The following ZNF705G variants were observed in gnomAD, a reference collection of about 807,000 sequenced individuals.
ZNF705G encodes the protein zinc finger protein 705G.
In ZNF705G, 23 loss-of-function variants were observed where a neutral mutation model predicts 19.6. The observed-to-expected ratio is 1.17, with a 90% confidence interval of 0.84 to 1.66. The LOEUF (loss-of-function observed/expected upper bound fraction) is 1.66. Among genes scored for constraint, ZNF705G ranks in the 40% most tolerant of loss-of-function variants. The pLI is 0.00. For missense variants in ZNF705G, 457 were observed against 354.4 expected, an observed-to-expected ratio of 1.29 and a Z score of -2.32; for synonymous variants, 146 against 117.7, an observed-to-expected ratio of 1.24 and a Z score of -1.56.
intron 2 of ZNF705G, among the ~76,000 whole-genome samples, chr8:7,376,591 G>C (rs1199964486): frequency 4.5e-4 from 62 of 138,856 alleles, no homozygotes; most frequent in African/African-American, 1.7e-3. Flanking sequence ...AACAAGTATA[G>C]TTTTTGAGCC....
At position 7,357,985 on chromosome 8, in the gene ZNF705G, G is replaced by A. The variant is rs868053666; in HGVS notation, c.894C>T (p.Asn298=). ...TGCGTGTTCTCTCATGTCATCTAAG[G>A]TTGGAAGACAGACTGAAGGCCTTCC... ...LCGKAFSLSS[N]LR is the part of the protein sequence containing the mutation. The change falls in exon 7 of 7, where the codon AAC becomes AAT. Residue 298 remains asparagine (N), a synonymous_variant. Coordinates refer to ENST00000400156, the MANE Select transcript of ZNF705G (RefSeq NM_001164457.3). The A allele has an allele frequency of 2.5e-6, 4 of 1,609,252 alleles. No individual in the cohort carries two copies. The highest frequency in any genetic ancestry group is 2.2e-5 in the East Asian group (1 of 44,858).
chr8:7,384,310 TAGG>T (rs1396979158), intron 1 of ZNF705G, among the ~76,000 whole-genome samples: 3 of 145,608 alleles, frequency 2.1e-5, no homozygotes, highest in South Asian at 4.2e-4. Flanking sequence ...AAAAAAATCT[TAGG>T]AGGAGTCAAT....
chr8:7,366,705 T>A (rs987243738), intron 2 of ZNF705G, among the ~76,000 whole-genome samples: 2 of 149,708 alleles, frequency 1.3e-5, no homozygotes, highest in African/African-American at 5.1e-5. Flanking sequence ...ATAAGGTAAA[T>A]GAATGAAATT....
intron 2 of ZNF705G, among the ~76,000 whole-genome samples, chr8:7,367,520 C>T (rs1806912016): frequency 6.7e-6 from 1 of 149,598 alleles, no homozygotes; most frequent in Admixed American, 6.6e-5. Context: ...ATATAACTCC[C>T]TAAACACAAC....
At chr8:7,364,695 C>T (rs1335376995) in intron 2 of ZNF705G, among the ~76,000 whole-genome samples, 3 of 149,622 alleles carry the variant, frequency 2.0e-5, no homozygotes, top group Non-Finnish European at 4.4e-5. Context: ...ACATTTAATG[C>T]ACATTTACAG....
At chr8:7,367,533 G>A (rs1806912803) in intron 2 of ZNF705G, among the ~76,000 whole-genome samples, 1 of 149,532 alleles carries the variant, frequency 6.7e-6, no homozygotes, top group African/African-American at 2.6e-5. Context: ...AACACAACGT[G>A]CATGCTCAAT....
intron 2 of ZNF705G, among the ~76,000 whole-genome samples, chr8:7,370,480 T>A (rs1317035668): frequency 5.4e-5 from 8 of 149,368 alleles, no homozygotes; most frequent in Non-Finnish European, 1.0e-4. Flanking sequence ...AGATAACCCT[T>A]GTATACTTGT....
At chr8:7,362,201 T>C (rs1806633772) in intron 3 of ZNF705G, among the ~76,000 whole-genome samples, 2 of 149,698 alleles carry the variant, frequency 1.3e-5, no homozygotes, top group South Asian at 2.1e-4. Context: ...ACTATATTCC[T>C]TCTTCTGAGT....
intron 2 of ZNF705G, among the ~76,000 whole-genome samples, chr8:7,369,037 C>T (rs1451397498): frequency 6.7e-6 from 1 of 149,616 alleles, no homozygotes; most frequent in Non-Finnish European, 1.5e-5. Flanking sequence ...GCATGTCTTA[C>T]ATCACAGCAG....
Position 7,357,999 on chromosome 8 carries a change from T to G in ZNF705G, c.880A>C (p.Ser294Arg). 2 of 1,609,242 alleles carry G rather than the reference T, an allele frequency of 1.2e-6. No individual in the cohort carries two copies. Among genetic ancestry groups the G allele is most frequent in the East Asian group, 4.5e-5 (2 of 44,856 alleles). ...TGTCATCTAAGGTTGGAAGACAGACTGAAGGCCTTCCCACATAGAAGACAA... is the reference window on the plus strand; with the variant it reads ...TGTCATCTAAGGTTGGAAGACAGACGGAAGGCCTTCCCACATAGAAGACAA... Reference protein sequence around the residue: ...HACLLCGKAFSLSSNLR With the variant: ...HACLLCGKAFRLSSNLR The change falls in exon 7 of 7, where the codon AGT (serine) becomes CGT (arginine). Residue 294 changes from serine (S) to arginine (R), a missense_variant. Physicochemically the swap from Ser to Arg is moderately radical, Grantham distance 110 (BLOSUM62 -1). Coordinates refer to ENST00000400156, the MANE Select transcript of ZNF705G (RefSeq NM_001164457.3).
intron 6 of ZNF705G, among the ~76,000 whole-genome samples, chr8:7,359,411 G>T (rs1371410200): frequency 6.7e-6 from 1 of 149,644 alleles, no homozygotes; most frequent in Non-Finnish European, 1.5e-5. Context: ...CAATGTATAT[G>T]CACTTGTTCT....
intron 6 of ZNF705G, 31 bp downstream of exon 6, chr8:7,359,588 G>C (rs756332375): frequency 1.2e-6 from 2 of 1,603,100 alleles, no homozygotes; most frequent in Non-Finnish European, 1.7e-6. Flanking sequence ...CTTTAACTTA[G>C]ATGACTGGTG....
chr8:7,358,178 C>A lies in ZNF705G; in HGVS notation c.701G>T (p.Gly234Val). 6.2e-7 allele frequency: 1 copy of A among 1,607,474 alleles called. No individual in the cohort carries two copies. Among genetic ancestry groups the A allele is most frequent in the East Asian group, 2.2e-5 (1 of 44,862 alleles). ...GTTAAAGGATTGAATAAAGACTTTC[C>A]CATATTGATGACACTTATATGGTCT... is the stretch of plus-strand genomic sequence containing the variant. Reference protein sequence around the residue: ...GQRPYKCHQYGKVFIQSFNLQ... With the variant: ...GQRPYKCHQYVKVFIQSFNLQ... Residue 234 changes from glycine (G) to valine (V), a missense_variant, in exon 7 of 7, where the codon GGG becomes GTG. By Grantham distance (109) the Gly-to-Val change is moderately radical (BLOSUM62 -3). Transcript: ENST00000400156.
intron 2 of ZNF705G, among the ~76,000 whole-genome samples, chr8:7,367,191 A>G (rs1395640318): frequency 1.3e-5 from 2 of 149,558 alleles, no homozygotes; most frequent in Non-Finnish European, 2.9e-5. Context: ...CAAATGTCTA[A>G]TGATATACAA....
Position 7,360,647 on chromosome 8 carries a change from C to T in ZNF705G, c.140-315G>A, listed in dbSNP as rs533187563. ...GAAAGAGAGTAATTATATCTCTGCA[C>T]AGTGTGTTTACTATTATTCTCACGC... is the stretch of plus-strand genomic sequence containing the variant. On this transcript the variant is annotated intron_variant, in intron 4 of 6. Coordinates refer to ENST00000400156, the MANE Select transcript of ZNF705G (RefSeq NM_001164457.3). Among the ~76,000 whole-genome samples, 95 of 149,500 alleles carry T rather than the reference C, an allele frequency of 6.4e-4. 13 individuals are homozygous for T. Among genetic ancestry groups the T allele is most frequent in the African/African-American group, 2.4e-3 (94 of 38,952 alleles).
At chr8:7,382,209 A>T (rs1232144389) in intron 1 of ZNF705G, among the ~76,000 whole-genome samples, 1 of 150,388 alleles carries the variant, frequency 6.6e-6, no homozygotes, top group South Asian at 2.1e-4. Flanking sequence ...AACAACGACA[A>T]CAATTCATCT....
intron 3 of ZNF705G, among the ~76,000 whole-genome samples, chr8:7,362,680 AG>A (rs1316300395): frequency 6.7e-6 from 1 of 149,554 alleles, no homozygotes; most frequent in Non-Finnish European, 1.5e-5. Flanking sequence ...GTGTAATATT[AG>A]AAATTATATT....
At position 7,355,759 on chromosome 8, in the gene ZNF705G, G is replaced by C. The variant is rs1806185698; in HGVS notation, c.*2217C>G. The C allele has an allele frequency of 6.7e-6, 1 of 149,582 alleles. No individual in the cohort carries two copies. Among genetic ancestry groups the C allele is most frequent in the African/African-American group, 2.6e-5 (1 of 38,984 alleles). The allele number at this position is 149,582 out of a possible 1,614,324, so 9.3% of individuals were successfully genotyped here. On this transcript the variant is annotated 3_prime_UTR_variant, in exon 7 of 7. Transcript: ENST00000400156. ...AGGAGTACATATAATGTCAGTCACA[G>C]TTTGTGGGTAAATTACATATTTAAT...
At chr8:7,382,212 A>C (rs1319095308) in intron 1 of ZNF705G, among the ~76,000 whole-genome samples, 1 of 150,290 alleles carries the variant, frequency 6.7e-6, no homozygotes, top group Non-Finnish European at 1.5e-5. Flanking sequence ...AACGACAACA[A>C]TTCATCTAGA....
Sources: gnomAD v4.1 joint callset for allele counts (sites outside exome capture counted in the v4.1 genomes callset) on GRCh38, gnomAD v4.1.1 for gene constraint, MANE v1.5 for transcripts, NCBI Gene and HGNC (gene_info 2026-07-23, HGNC 2026-07-21) for gene names.